The following SPATC1L variants were observed in gnomAD, a reference collection of about 807,000 sequenced individuals.
SPATC1L encodes the protein spermatogenesis and centriole associated 1 like.
In SPATC1L, 20 loss-of-function variants were observed where a neutral mutation model predicts 21.2. The observed-to-expected ratio is 0.94, with a 90% CI of 0.66 to 1.37. The LOEUF (loss-of-function observed/expected upper bound fraction) is 1.37, where lower values mean the gene tolerates loss of function less well. Ranked by LOEUF, SPATC1L falls within the 40% of genes most tolerant of loss-of-function variation. SPATC1L has a pLI of 0.00. For synonymous variants in SPATC1L, 290 were observed against 234.5 expected, an observed-to-expected ratio of 1.24 and a Z score of -2.16; for missense variants, 499 against 478.7, an observed-to-expected ratio of 1.04 and a Z score of -0.40.
At position 46,168,441 on chromosome 21, in the gene SPATC1L, C is replaced by G; in HGVS notation, c.411G>C (p.Leu137=). 6.2e-7 allele frequency: 1 copy of G among 1,608,714 alleles called. No individual in the cohort carries two copies. The highest frequency in any genetic ancestry group is 8.5e-7 in the Non-Finnish European group (1 of 1,177,348). Reference sequence around the variant, plus strand: ...CCACCAGTGAGTCTTGCAAGGGGCTCAGGAGCGGGGACAGCTTCCTGTCGG... The same window carrying G: ...CCACCAGTGAGTCTTGCAAGGGGCTGAGGAGCGGGGACAGCTTCCTGTCGG... The part of the protein sequence containing the change: ...RGTDRKLSPL[L]SPLQDSLVDK... The change falls in exon 3 of 5, where the codon CTG becomes CTC. Residue 137 remains leucine, a synonymous_variant. Transcript: ENST00000291672.
intron 2 of SPATC1L, among the ~76,000 whole-genome samples, chr21:46,176,590 G>A (rs1211610120): frequency 1.3e-5 from 2 of 152,146 alleles, no homozygotes; most frequent in Admixed American, 1.3e-4. Flanking sequence ...GGTGGAGGAT[G>A]TCTACAAGGA....
chr21:46,161,874 C>G, intron 4 of SPATC1L, 42 bp downstream of exon 4: 1 of 1,590,042 alleles, frequency 6.3e-7, no homozygotes, highest in African/African-American at 1.3e-5. Context: ...ACGGACCGAG[C>G]GCCCCGCACC....
intron 2 of SPATC1L, among the ~76,000 whole-genome samples, chr21:46,176,686 T>C (rs2079635604): frequency 6.6e-6 from 1 of 152,208 alleles, no homozygotes; most frequent in African/African-American, 2.4e-5. Context: ...ATCAATATCA[T>C]AAAAATGGTC....
chr21:46,180,318 C>T (rs895132046), intron 2 of SPATC1L, among the ~76,000 whole-genome samples: 6 of 152,046 alleles, frequency 3.9e-5, no homozygotes, highest in Non-Finnish European at 8.8e-5. Context: ...AAAAGATACA[C>T]AGACAGACAC....
chr21:46,177,013 A>G (rs1394954980), intron 2 of SPATC1L, among the ~76,000 whole-genome samples: 1 of 152,212 alleles, frequency 6.6e-6, no homozygotes, highest in Non-Finnish European at 1.5e-5. Flanking sequence ...AGCAATGAGG[A>G]AAGGACTCCC....
intron 2 of SPATC1L, among the ~76,000 whole-genome samples, chr21:46,178,371 G>A (rs2079648046): frequency 6.6e-6 from 1 of 152,146 alleles, no homozygotes; most frequent in African/African-American, 2.4e-5. Flanking sequence ...TTATAAGTGG[G>A]AGCTAAACAA....
intron 2 of SPATC1L, among the ~76,000 whole-genome samples, chr21:46,181,447 C>T (rs1431831126): frequency 1.3e-5 from 2 of 152,212 alleles, no homozygotes; most frequent in African/African-American, 4.8e-5. Flanking sequence ...GGGACGATGC[C>T]ATGGATTCCC....
chr21:46,179,324 T>A (rs2079655154), intron 2 of SPATC1L, among the ~76,000 whole-genome samples: 2 of 151,926 alleles, frequency 1.3e-5, no homozygotes, highest in South Asian at 4.2e-4. Context: ...GACAGAAGGA[T>A]CCCTTAAGCC....
At chr21:46,163,392 T>C (rs2079517230) in intron 3 of SPATC1L, among the ~76,000 whole-genome samples, 1 of 152,244 alleles carries the variant, frequency 6.6e-6, no homozygotes, top group Non-Finnish European at 1.5e-5. Context: ...CTCATGCTTT[T>C]GATGTGATCT....
intron 2 of SPATC1L, among the ~76,000 whole-genome samples, chr21:46,179,125 T>C (rs1203138486): frequency 6.6e-6 from 1 of 151,548 alleles, no homozygotes; most frequent in Non-Finnish European, 1.5e-5. Flanking sequence ...GCAAGCACTG[T>C]AGTCCAAGCT....
At chr21:46,172,542 G>A (rs925358817) in intron 2 of SPATC1L, among the ~76,000 whole-genome samples, 7 of 152,204 alleles carry the variant, frequency 4.6e-5, no homozygotes, top group African/African-American at 7.2e-5. Flanking sequence ...AGATGGGACC[G>A]TTGGTCCTTC....
chr21:46,162,024 C>T lies in SPATC1L; in HGVS notation c.588G>A (p.Val196=). 6.3e-7 allele frequency: 1 copy of T among 1,595,766 alleles called. No homozygotes were observed. The highest frequency in any genetic ancestry group is 8.5e-7 in the Non-Finnish European group (1 of 1,173,542). ...FAGAEKDARV[V]GEIAFQLDRR... is the part of the protein sequence containing the mutation. ...GGTCCAGCTGGAAGGCGATCTCGCC[C>T]ACCACGCGCGCGTCCTTCTCGGCGC... The change falls in exon 4 of 5, where the codon GTG becomes GTA. Residue 196 remains valine (V), a synonymous_variant. Coordinates refer to ENST00000291672, the MANE Select transcript of SPATC1L (RefSeq NM_001142854.2).
chr21:46,161,181 A>G lies in SPATC1L; in HGVS notation c.*198T>C. ...GACATGCAAACGGATGATTTTAATG[A>G]GGGGTGAGAAGCACTCCGCAGGTGC... On this transcript the variant is annotated 3_prime_UTR_variant, in exon 5 of 5. Coordinates refer to ENST00000291672, the MANE Select transcript of SPATC1L (RefSeq NM_001142854.2). 4.6e-6 allele frequency: 2 copies of G among 434,952 alleles called. No homozygotes were observed. The highest frequency in any genetic ancestry group is 3.9e-6 in the Non-Finnish European group (1 of 253,674). The allele number at this position is 434,952 out of a possible 1,614,324, so 26.9% of individuals were successfully genotyped here.
intron 2 of SPATC1L, among the ~76,000 whole-genome samples, chr21:46,182,358 G>A (rs2079681009): frequency 6.6e-6 from 1 of 152,240 alleles, no homozygotes; most frequent in Admixed American, 6.5e-5. Context: ...ACCCCTATGG[G>A]GACACTTCCA....
intron 3 of SPATC1L, among the ~76,000 whole-genome samples, chr21:46,163,041 G>C (rs867283019): frequency 6.6e-6 from 1 of 152,184 alleles, no homozygotes; most frequent in Non-Finnish European, 1.5e-5. Flanking sequence ...CCTGGAGGAC[G>C]GGAAACAGTA....
chr21:46,182,613 C>T lies in SPATC1L; in HGVS notation c.193+11G>A, dbSNP rs762711263. On this transcript the variant is annotated intron_variant, in intron 2 of 4. Coordinates refer to ENST00000291672, the MANE Select transcript of SPATC1L (RefSeq NM_001142854.2). ...CATCTACCAGGCCATCTGAGCTGGG[C>T]GGCGCCTCACCTCCGCTCCCGGGGG... The T allele has an allele frequency of 4.9e-5, 72 of 1,469,542 alleles. No homozygotes were observed. Among genetic ancestry groups the T allele is most frequent in the African/African-American group, 4.1e-4 (29 of 70,544 alleles). The allele number at this position is 1,469,542 out of a possible 1,614,324, so 91.0% of individuals were successfully genotyped here.
rs2079698100 is a variant in SPATC1L, at chr21:46,183,559, TCAGCCTGGGG to T, written c.-753_-744del. On this transcript the variant is annotated 5_prime_UTR_variant, in exon 2 of 5. Transcript: ENST00000291672. Reference sequence around the variant, plus strand: ...GGGGAGACCAGCCTGGGCGGGGAGATCAGCCTGGGGGAGGAGACCAGCCTGGTGAGGAGAC... The same window carrying T: ...GGGGAGACCAGCCTGGGCGGGGAGATGAGGAGACCAGCCTGGTGAGGAGAC... 1.7e-5 allele frequency: 1 copy of T among 59,782 alleles called. No homozygotes were observed. 3.7% of individuals were successfully genotyped at this position (59,782 alleles called of 1,614,324 possible).
At position 46,182,239 on chromosome 21, in the gene SPATC1L, CT is replaced by C. The variant is rs551106879; in HGVS notation, c.193+384del. On this transcript the variant is annotated intron_variant, in intron 2 of 4. Transcript: ENST00000291672. ...GGCTGGTCTGACACCCCCCTCGCCC[CT>C]GACCCAGGAGAAGAGACACATGCAG... Among the ~76,000 whole-genome samples the C allele has an allele frequency of 2.0e-4, 31 of 152,320 alleles. No individual in the cohort carries two copies. The South Asian group carries it at 3.1e-3, about 15-fold the overall frequency.
At chr21:46,174,344 C>CAA (rs200980627) in intron 2 of SPATC1L, among the ~76,000 whole-genome samples, 15 of 68,838 alleles carry the variant, frequency 2.2e-4, no homozygotes, top group South Asian at 1.5e-3. Flanking sequence ...AAAAACAAAA[C>CAA]AAAAAAAAAA....
Sources: gnomAD v4.1 joint callset for allele counts (sites outside exome capture counted in the v4.1 genomes callset) on GRCh38, gnomAD v4.1.1 for gene constraint, MANE v1.5 for transcripts, NCBI Gene and HGNC (gene_info 2026-07-23, HGNC 2026-07-21) for gene names.